The following COL4A4 variants were observed in gnomAD, a reference collection of about 807,000 sequenced individuals.
COL4A4 encodes collagen type IV alpha 4 chain.
A neutral mutation model predicts 192.9 loss-of-function variants in COL4A4; 105 were observed. That is an observed-to-expected ratio of 0.54 (90% CI 0.46 to 0.64). COL4A4 has a LOEUF of 0.64. Among genes scored for constraint, COL4A4 ranks in the 30% least tolerant of loss-of-function variants. COL4A4 has a pLI of 0.00. For synonymous variants in COL4A4, 762 were observed against 769.9 expected (o/e 0.99, Z 0.17); for missense variants, 1,967 against 2,169.3 (o/e 0.91, Z 1.85).
At chr2:227,147,701 C>A in intron 1 of COL4A4, 117 bp from the exon 2 acceptor site, 1 of 477,410 alleles carries the variant, frequency 2.1e-6, no homozygotes, top group Non-Finnish European at 3.8e-6. Flanking sequence ...AACAATCTTT[C>A]CTTAGTGATG....
the COL4A4 span, among the ~76,000 whole-genome samples, chr2:226,977,478 T>G: frequency 1.3e-5 from 2 of 152,202 alleles, no homozygotes; most frequent in East Asian, 3.8e-4. Flanking sequence ...TATTTTGTGT[T>G]GGAAAGGCGA....
intron 23 of COL4A4, 54 bp from the exon 24 acceptor site, chr2:227,080,603 G>C (rs1010809800): frequency 1.5e-5 from 22 of 1,453,580 alleles, no homozygotes; most frequent in Non-Finnish European, 2.1e-5. Flanking sequence ...GGGTAAAGTA[G>C]GATAGAGAGG....
chr2:227,045,831 T>TAC lies in COL4A4; in HGVS notation c.3289+1642_3289+1643dup, dbSNP rs200481442. 2.3e-4 allele frequency among the ~76,000 whole-genome samples: 16 copies of TAC among 70,062 alleles called. 4 individuals carry two copies. In the East Asian group the frequency reaches 7.1e-3, roughly 31 times the overall value. 46.0% of individuals were successfully genotyped at this position (70,062 alleles called of 152,430 possible). ...ATATATATATACACATATATATATA[T>TAC]ACACACATATATATATACACATATA... On this transcript the variant is annotated intron_variant, in intron 35 of 47. Coordinates refer to ENST00000396625, the MANE Select transcript of COL4A4 (RefSeq NM_000092.5).
intron 7 of COL4A4, among the ~76,000 whole-genome samples, chr2:227,117,741 A>T (rs2061566565): frequency 6.6e-6 from 1 of 152,106 alleles, no homozygotes; most frequent in Admixed American, 6.5e-5. Flanking sequence ...AAAGAAAGGG[A>T]ATATGGGGGG....
In COL4A4 at chr2:227,147,437, G is replaced by A; in HGVS notation, c.47C>T (p.Thr16Ile). ...CCAGGGACCTGTGGCCAAGGACTTG[G>A]TCAATCTGAAGGAGCACCTCATTAG... ...IVLMRCSFRL[T>I]KSLATGPWSL... The change falls in exon 2 of 48, where the codon ACC becomes ATC. Residue 16 changes from threonine (T) to isoleucine (I), a missense_variant. Thr to Ile is a moderately conservative substitution (Grantham distance 89). Coordinates refer to ENST00000396625, the MANE Select transcript of COL4A4 (RefSeq NM_000092.5). 1.2e-6 allele frequency: 2 copies of A among 1,613,820 alleles called. No individual in the cohort carries two copies. Among genetic ancestry groups the A allele is most frequent in the Non-Finnish European group, 1.7e-6 (2 of 1,179,816 alleles).
Position 227,086,827 on chromosome 2 carries a change from G to A in COL4A4, c.1623+1826C>T, listed in dbSNP as rs150088542. ...AAATGACTATGGTAAAATGTTGAAT[G>A]CAAACTACTTAACAATTGCAACCAT... On this transcript the variant is annotated intron_variant, in intron 22 of 47. Transcript: ENST00000396625. 8.5e-4 allele frequency among the ~76,000 whole-genome samples: 130 copies of A among 152,316 alleles called. 1 individual carries two copies. Among genetic ancestry groups the A allele is most frequent in the African/African-American group, 3.0e-3 (126 of 41,570 alleles).
chr2:226,986,617 A>G, the COL4A4 span, among the ~76,000 whole-genome samples: 1 of 152,252 alleles, frequency 6.6e-6, no homozygotes, highest in African/African-American at 2.4e-5. Flanking sequence ...AATGCAAATC[A>G]AAACCACAAT....
rs753712026 is a variant in COL4A4, at chr2:227,022,038, C to G, written c.4216+10G>C. Reference sequence around the variant, plus strand: ...ATGAAAATAATGAACAATCAGCATGCGGCTCATACCTGGTCCTGAGGGGCC... The same window carrying G: ...ATGAAAATAATGAACAATCAGCATGGGGCTCATACCTGGTCCTGAGGGGCC... On this transcript the variant is annotated intron_variant, in intron 44 of 47. Coordinates refer to ENST00000396625, the MANE Select transcript of COL4A4 (RefSeq NM_000092.5). 1.9e-6 allele frequency: 3 copies of G among 1,611,406 alleles called. No individual in the cohort carries two copies. Among genetic ancestry groups the G allele is most frequent in the Non-Finnish European group, 2.5e-6 (3 of 1,178,670 alleles).
chr2:227,091,918 GAAAGAAAGA>G (rs139587389), intron 20 of COL4A4, among the ~76,000 whole-genome samples: 78,082 of 142,810 alleles, frequency 0.55, 20,519 homozygotes, highest in South Asian at 0.66. Flanking sequence ...AAGAAAGAAA[GAAAGAAAGA>G]AAAGAAAAGA....
intron 44 of COL4A4, among the ~76,000 whole-genome samples, chr2:227,019,528 T>C (rs1343652842): frequency 6.6e-6 from 1 of 152,178 alleles, no homozygotes; most frequent in African/African-American, 2.4e-5. Flanking sequence ...CAATTCTGGC[T>C]CCTCAAAGCC....
chr2:227,150,516 A>C (rs1456211797), intron 1 of COL4A4, among the ~76,000 whole-genome samples: 1 of 152,196 alleles, frequency 6.6e-6, no homozygotes, highest in Non-Finnish European at 1.5e-5. Flanking sequence ...TCTTATAATA[A>C]AAATTTTTTA....
At chr2:227,135,050 T>A (rs2062721432) in intron 4 of COL4A4, among the ~76,000 whole-genome samples, 1 of 152,180 alleles carries the variant, frequency 6.6e-6, no homozygotes, top group Admixed American at 6.5e-5. Context: ...CCCTTGAAAC[T>A]GATAAGGAAT....
In COL4A4 at chr2:227,082,182, C is replaced by T. The variant is rs768676046; in HGVS notation, c.1629G>A (p.Lys543=). 4 of 1,613,994 alleles carry T rather than the reference C, an allele frequency of 2.5e-6. No homozygotes were observed. The highest frequency in any genetic ancestry group is 3.4e-6 in the Non-Finnish European group (4 of 1,179,840). The change falls in exon 23 of 48, where the codon AAG becomes AAA. Residue 543 remains lysine (K), a synonymous_variant. Transcript: ENST00000396625. ...TGCCAGGTGGTCCAGAGGCACCATGCTTTCCCTTGGTGAAAAATAAGAGAA... is the reference window on the plus strand; with the variant it reads ...TGCCAGGTGGTCCAGAGGCACCATGTTTTCCCTTGGTGAAAAATAAGAGAA... The part of the protein sequence containing the change: ...GAEGPPGLPG[K]HGASGPPGNK...
intron 43 of COL4A4, among the ~76,000 whole-genome samples, chr2:227,025,368 G>A (rs1160676543): frequency 1.3e-5 from 2 of 152,202 alleles, no homozygotes; most frequent in African/African-American, 4.8e-5. Flanking sequence ...ACTTGAGGGT[G>A]TGATAGGAAA....
chr2:227,062,619 C>T lies in COL4A4; in HGVS notation c.1988-21G>A, dbSNP rs377358595. The T allele has an allele frequency of 4.4e-4, 692 of 1,589,762 alleles. 10 individuals carry two copies. In the South Asian group the frequency reaches 6.7e-3, roughly 15 times the overall value. On this transcript the variant is annotated intron_variant, in intron 25 of 47. Transcript: ENST00000396625. Reference sequence around the variant, plus strand: ...GTCACCTGCAATGAGAAAAGAAAAGCGGCATTCACATAACTGATAGCCCAG... The same window carrying T: ...GTCACCTGCAATGAGAAAAGAAAAGTGGCATTCACATAACTGATAGCCCAG...
chr2:226,978,050 C>T, the COL4A4 span, among the ~76,000 whole-genome samples: 4 of 152,118 alleles, frequency 2.6e-5, no homozygotes, highest in Non-Finnish European at 5.9e-5. Flanking sequence ...GTGTAGTGTC[C>T]TCACTGGAGC....
intron 19 of COL4A4, among the ~76,000 whole-genome samples, chr2:227,096,014 T>G (rs539718912): frequency 1.3e-5 from 2 of 152,270 alleles, no homozygotes; most frequent in East Asian, 3.9e-4. Flanking sequence ...AAGACTGCAT[T>G]TTTGACAGAT....
At chr2:226,968,425 A>G in the COL4A4 span, among the ~76,000 whole-genome samples, 2 of 151,898 alleles carry the variant, frequency 1.3e-5, no homozygotes, top group Non-Finnish European at 2.9e-5. Context: ...TTCTTCAGGG[A>G]AGTTTCAGCT....
chr2:226,977,979 T>C, the COL4A4 span, among the ~76,000 whole-genome samples: 1 of 152,262 alleles, frequency 6.6e-6, no homozygotes, highest in East Asian at 1.9e-4. Flanking sequence ...TTCTTTTCTC[T>C]ATAGTATTTA....
Sources: allele counts gnomAD v4.1 joint callset (sites outside exome capture counted in the v4.1 genomes callset), GRCh38; gene constraint gnomAD v4.1.1; transcripts MANE v1.5; gene names NCBI Gene and HGNC (gene_info 2026-07-23, HGNC 2026-07-21).